FUT8: variants seen among roughly 807,000 people sequenced by gnomAD.
The protein encoded by FUT8 is fucosyltransferase 8, also known as alpha-(1,6)-fucosyltransferase.
FUT8 carries 29 observed loss-of-function variants against 71.3 expected under a neutral mutation model. That is an observed-to-expected ratio of 0.41 (90% CI 0.30 to 0.55). The LOEUF (loss-of-function observed/expected upper bound fraction) is 0.55. Among genes scored for constraint, FUT8 ranks in the 20% least tolerant of loss-of-function variants. FUT8 has a pLI of 0.34. For missense variants in FUT8, 544 were observed against 702.1 expected, an observed-to-expected ratio of 0.77 and a Z score of 2.55; for synonymous variants, 254 against 239.3, an observed-to-expected ratio of 1.06 and a Z score of -0.57.
chr14:65,641,869 T>C (rs1156790948), intron 6 of FUT8, among the ~76,000 whole-genome samples: 1 of 152,006 alleles, frequency 6.6e-6, no homozygotes, highest in African/African-American at 2.4e-5. Flanking sequence ...ATTTTTTAAT[T>C]GGGATGTTTG....
the FUT8 span, among the ~76,000 whole-genome samples, chr14:65,361,986 T>G: frequency 6.6e-6 from 1 of 152,186 alleles, no homozygotes; most frequent in Non-Finnish European, 1.5e-5. Flanking sequence ...TTTCTTTCAC[T>G]CCAGAACTTG....
chr14:65,394,017 C>A, the FUT8 span, among the ~76,000 whole-genome samples: 3 of 152,228 alleles, frequency 2.0e-5, no homozygotes, highest in East Asian at 5.8e-4. Context: ...AGTGCAATGG[C>A]GCAATCTTGG....
chr14:65,474,252 ATCC>A (rs1164291248), intron 2 of FUT8, among the ~76,000 whole-genome samples: 12 of 151,710 alleles, frequency 7.9e-5, no homozygotes, highest in Non-Finnish European at 1.6e-4. Flanking sequence ...TATACATTTC[ATCC>A]ATGTAACCCA....
At chr14:65,372,771 A>C in the FUT8 span, among the ~76,000 whole-genome samples, 39,399 of 152,006 alleles carry the variant, frequency 0.26, 5,596 homozygotes, top group East Asian at 0.57. Flanking sequence ...TTTTTCTCTT[A>C]TCTCTCTGAT....
rs541938131 is a variant in FUT8 at position 65,652,641 on chromosome 14, CT to C, written c.598-16589del. 3.2e-3 allele frequency among the ~76,000 whole-genome samples: 460 copies of C among 144,980 alleles called. 3 individuals are homozygous for C. Among genetic ancestry groups the C allele is most frequent in the East Asian group, 0.016 (80 of 5,008 alleles). Reference sequence around the variant, plus strand: ...ACAACGTGTTCTTAGTGCTTAAGCACTTTTTTTTTTTTTAAATACAACCAAA... The same window carrying C: ...ACAACGTGTTCTTAGTGCTTAAGCACTTTTTTTTTTTTAAATACAACCAAA... On this transcript the variant is annotated intron_variant, in intron 6 of 10. Transcript: ENST00000673929. The surrounding 1 kb of genome is among the most constrained non-coding windows in gnomAD (Gnocchi z 4.0).
At chr14:65,541,548 C>T (rs1884679863) in intron 2 of FUT8, among the ~76,000 whole-genome samples, 1 of 152,194 alleles carries the variant, frequency 6.6e-6, no homozygotes, top group South Asian at 2.1e-4. Context: ...AGTACCAGCT[C>T]AAGAAGAGAG....
chr14:65,478,982 T>G (rs965880420), intron 2 of FUT8, among the ~76,000 whole-genome samples: 6 of 152,232 alleles, frequency 3.9e-5, no homozygotes, highest in African/African-American at 1.4e-4. Flanking sequence ...TAGGCTTTGG[T>G]TATCAGTATT....
chr14:65,679,315 A>G (rs1023286653), intron 7 of FUT8, among the ~76,000 whole-genome samples: 6 of 152,202 alleles, frequency 3.9e-5, no homozygotes, highest in Admixed American at 3.9e-4. Flanking sequence ...AGTACCAACC[A>G]TGGGGCCACC....
intron 7 of FUT8, among the ~76,000 whole-genome samples, chr14:65,681,377 A>C (rs1308455845): frequency 6.6e-6 from 1 of 152,232 alleles, no homozygotes; most frequent in Non-Finnish European, 1.5e-5. Flanking sequence ...TGTTTGAAGA[A>C]TGTTTTAAAA....
intron 3 of FUT8, among the ~76,000 whole-genome samples, chr14:65,582,216 A>G (rs562631256): frequency 3.3e-5 from 5 of 152,286 alleles, no homozygotes; most frequent in South Asian, 2.1e-4. Context: ...TTGTATATCC[A>G]TATTCTATTT....
At chr14:65,695,006 C>T (rs1289950746) in intron 7 of FUT8, among the ~76,000 whole-genome samples, 2 of 151,970 alleles carry the variant, frequency 1.3e-5, no homozygotes, top group African/African-American at 4.8e-5. Context: ...AACTAACCTG[C>T]ACATTGTGCA....
chr14:65,474,510 A>G (rs2066204914), intron 2 of FUT8, among the ~76,000 whole-genome samples: 1 of 147,804 alleles, frequency 6.8e-6, no homozygotes, highest in African/African-American at 2.5e-5. Flanking sequence ...GGGCTGGGCG[A>G]ATCGCTTGAA....
rs183430629 is a variant in FUT8, at chr14:65,717,277, G to A, written c.836-4498G>A. 7.2e-3 allele frequency among the ~76,000 whole-genome samples: 847 copies of A among 118,232 alleles called. 34 individuals are homozygous for A. The highest frequency in any genetic ancestry group is 0.019 in the East Asian group (63 of 3,266). The allele number at this position is 118,232 out of a possible 152,430, so 77.6% of individuals were successfully genotyped here. On this transcript the variant is annotated intron_variant, in intron 7 of 10. Transcript: ENST00000673929. ...CCAGACGGGGCGGCCGGGCAGAGGC[G>A]CTCCTCACTTCCCAGACGATGGGCG...
upstream of FUT8, among the ~76,000 whole-genome samples, chr14:65,406,481 T>A (rs1441667555): frequency 2.0e-5 from 3 of 152,246 alleles, no homozygotes; most frequent in Non-Finnish European, 2.9e-5. Context: ...TCTGTCTCCC[T>A]GTGCAGGGCT....
At chr14:65,522,841 C>T (rs780089332) in intron 2 of FUT8, among the ~76,000 whole-genome samples, 16 of 150,976 alleles carry the variant, frequency 1.1e-4, no homozygotes, top group Admixed American at 9.3e-4. Context: ...ACTGTCCTTG[C>T]GATAGTTTGC....
intron 1 of FUT8, among the ~76,000 whole-genome samples, chr14:65,423,178 G>A (rs2065326605): frequency 6.6e-6 from 1 of 150,944 alleles, no homozygotes. Context: ...TAGAGACGGG[G>A]TTTCACCATA....
rs1394777208 is a variant in FUT8, at chr14:65,674,388, A to T, written c.835+4908A>T. ...GAACCTCAGTTTAGCTCTTTAAAAA[A>T]CTCATGATACTCATTATCTACCTCC... On this transcript the variant is annotated intron_variant, in intron 7 of 10. Transcript: ENST00000673929. Among the ~76,000 whole-genome samples, 5 of 151,944 alleles carry T rather than the reference A, an allele frequency of 3.3e-5. No individual in the cohort carries two copies. The East Asian group carries it at 5.8e-4, about 18-fold the overall frequency.
chr14:65,466,647 G>A (rs1224521988), intron 2 of FUT8, among the ~76,000 whole-genome samples: 1 of 152,142 alleles, frequency 6.6e-6, no homozygotes, highest in Admixed American at 6.5e-5. Context: ...CTACTCAGGG[G>A]GCTGAGGCAG....
chr14:65,360,123 AC>A, the FUT8 span, among the ~76,000 whole-genome samples: 1 of 152,168 alleles, frequency 6.6e-6, no homozygotes, highest in East Asian at 1.9e-4. Flanking sequence ...GAGCCACTGC[AC>A]CTGGCCAGGC....
Sources: gnomAD v4.1 joint callset for allele counts (sites outside exome capture counted in the v4.1 genomes callset) on GRCh38, gnomAD v4.1.1 for gene constraint, Gnocchi (gnomAD v3.1) non-coding constraint, MANE v1.5 for transcripts, NCBI Gene and HGNC (gene_info 2026-07-23, HGNC 2026-07-21) for gene names.